The following TASP1 variants were observed in gnomAD, a reference collection of about 807,000 sequenced individuals.
TASP1 encodes the protein taspase 1.
In TASP1, 16 loss-of-function variants were observed where a neutral mutation model predicts 56.6. The observed-to-expected ratio is 0.28, with a 90% CI of 0.19 to 0.43. The LOEUF is 0.43. Among genes scored for constraint, TASP1 ranks in the 20% least tolerant of loss-of-function variants. The pLI is 1.00. For missense variants in TASP1, 393 were observed against 511.6 expected (o/e 0.77, Z 2.24); for synonymous variants, 179 against 184.2 (o/e 0.97, Z 0.23).
At chr20:13,258,134 G>A in the TASP1 span, among the ~76,000 whole-genome samples, 1,551 of 152,076 alleles carry the variant, frequency 0.01, 26 homozygotes, top group African/African-American at 0.035. Flanking sequence ...CAAACATTCC[G>A]TTTACCTCTC....
chr20:13,193,667 G>T, the TASP1 span, among the ~76,000 whole-genome samples: 3 of 152,176 alleles, frequency 2.0e-5, no homozygotes, highest in Non-Finnish European at 4.4e-5. Flanking sequence ...GCAGTTTCTC[G>T]TATGGGTTCA....
intron 11 of TASP1, among the ~76,000 whole-genome samples, chr20:13,460,536 A>C (rs1406214217): frequency 6.6e-6 from 1 of 152,068 alleles, no homozygotes; most frequent in Non-Finnish European, 1.5e-5. Context: ...GCAATTGCCT[A>C]ATTAACATTT....
chr20:13,300,380 A>G, the TASP1 span: 1 of 152,156 alleles, frequency 6.6e-6, no homozygotes, highest in South Asian at 2.1e-4. Flanking sequence ...CAATTTTTTC[A>G]TCTACCAATA....
chr20:13,153,623 G>C, the TASP1 span, among the ~76,000 whole-genome samples: 19 of 152,184 alleles, frequency 1.2e-4, no homozygotes, highest in South Asian at 2.3e-3. Context: ...TATGAAGTGT[G>C]GGGGGTGGGG....
At chr20:13,480,615 A>T (rs1440177423) in intron 11 of TASP1, among the ~76,000 whole-genome samples, 1 of 152,210 alleles carries the variant, frequency 6.6e-6, no homozygotes, top group Non-Finnish European at 1.5e-5. Flanking sequence ...TTATAGAGTT[A>T]TACGAAGCAA....
chr20:13,622,857 A>G (rs1345368502), intron 4 of TASP1, among the ~76,000 whole-genome samples: 2 of 152,202 alleles, frequency 1.3e-5, no homozygotes, highest in African/African-American at 4.8e-5. Context: ...TATCCCCTGC[A>G]CAAATTCATC....
At chr20:13,397,253 G>T (rs991916279) in intron 13 of TASP1, among the ~76,000 whole-genome samples, 4 of 152,206 alleles carry the variant, frequency 2.6e-5, no homozygotes, top group African/African-American at 9.7e-5. Flanking sequence ...CTCGCTCTAA[G>T]TGCAATTATG....
At chr20:13,202,869 T>A in the TASP1 span, among the ~76,000 whole-genome samples, 1 of 152,252 alleles carries the variant, frequency 6.6e-6, no homozygotes, top group African/African-American at 2.4e-5. Flanking sequence ...GAGAATGAAC[T>A]ATTTGTTATG....
chr20:13,140,660 A>G, the TASP1 span, among the ~76,000 whole-genome samples: 1 of 152,208 alleles, frequency 6.6e-6, no homozygotes, highest in Non-Finnish European at 1.5e-5. Context: ...AAACAGCTCT[A>G]AAGCTTAAAT....
At chr20:13,407,238 A>C (rs994691639) in intron 13 of TASP1, among the ~76,000 whole-genome samples, 1 of 151,980 alleles carries the variant, frequency 6.6e-6, no homozygotes, top group Non-Finnish European at 1.5e-5. Context: ...ATTAGCACTC[A>C]CTCCCCATTC....
At chr20:13,243,901 G>C in the TASP1 span, among the ~76,000 whole-genome samples, 2 of 152,182 alleles carry the variant, frequency 1.3e-5, no homozygotes, top group Admixed American at 6.6e-5. Flanking sequence ...GATATTTGAA[G>C]GGAAGATGGA....
intron 13 of TASP1, among the ~76,000 whole-genome samples, chr20:13,416,096 T>C (rs1184189259): frequency 6.6e-6 from 1 of 152,174 alleles, no homozygotes; most frequent in African/African-American, 2.4e-5. Flanking sequence ...TTAAATTAAG[T>C]AAAATTTAAA....
the TASP1 span, among the ~76,000 whole-genome samples, chr20:13,178,330 A>G: frequency 2.0e-5 from 3 of 152,168 alleles, no homozygotes; most frequent in South Asian, 2.1e-4. Context: ...TACAGCCACT[A>G]TGAACAACAG....
In TASP1 at chr20:13,483,593, G is replaced by A. The variant is rs143865483; in HGVS notation, c.875-256C>T. On this transcript the variant is annotated intron_variant, in intron 10 of 13. Transcript: ENST00000337743. ...TGATACGTAGTTCTCTGTTTAACTAGTATGTGTTGACTGGTGTTAGGCACT... is the reference window on the plus strand; with the variant it reads ...TGATACGTAGTTCTCTGTTTAACTAATATGTGTTGACTGGTGTTAGGCACT... 5.1e-3 allele frequency among the ~76,000 whole-genome samples: 781 copies of A among 152,230 alleles called. 4 individuals are homozygous for A. The highest frequency in any genetic ancestry group is 8.6e-3 in the Admixed American group (132 of 15,272).
At chr20:13,638,583 G>C (rs2049399194) in intron 1 of TASP1, among the ~76,000 whole-genome samples, 1 of 152,170 alleles carries the variant, frequency 6.6e-6, no homozygotes, top group African/African-American at 2.4e-5. Flanking sequence ...TCCAGCCTGA[G>C]ACTGCAAAGT....
At chr20:13,588,313 A>AG (rs2047394712) in intron 4 of TASP1, among the ~76,000 whole-genome samples, 11 of 101,696 alleles carry the variant, frequency 1.1e-4, no homozygotes, top group Admixed American at 1.9e-4. Context: ...AAGGAAGAGA[A>AG]AGAAAAGGAA....
chr20:13,253,877 ATGTG>A, the TASP1 span, among the ~76,000 whole-genome samples: 3 of 98,912 alleles, frequency 3.0e-5, no homozygotes, highest in African/African-American at 4.5e-5. Flanking sequence ...ATATATATAT[ATGTG>A]TGTGTGTATG....
chr20:13,207,614 G>C, the TASP1 span, among the ~76,000 whole-genome samples: 10 of 152,182 alleles, frequency 6.6e-5, no homozygotes, highest in Non-Finnish European at 1.5e-4. Flanking sequence ...GGTAGGAGAA[G>C]ACTGATATCC....
At chr20:13,425,192 C>G (rs897119564) in intron 12 of TASP1, among the ~76,000 whole-genome samples, 1 of 152,172 alleles carries the variant, frequency 6.6e-6, no homozygotes, top group Non-Finnish European at 1.5e-5. Flanking sequence ...TAAAGCAGCC[C>G]TTAATCCCCA....
Sources: allele counts gnomAD v4.1 joint callset (sites outside exome capture counted in the v4.1 genomes callset), GRCh38; gene constraint gnomAD v4.1.1; transcripts MANE v1.5; gene names NCBI Gene and HGNC (gene_info 2026-07-23, HGNC 2026-07-21).